The following TAFAZZIN variants were observed in gnomAD, a reference collection of about 807,000 sequenced individuals.
TAFAZZIN encodes tafazzin, phospholipid-lysophospholipid transacylase, also known as protein G4.5.
TAFAZZIN carries 6 observed loss-of-function variants against 27.3 expected under a neutral mutation model. That is an observed-to-expected ratio of 0.22 (90% CI 0.12 to 0.43). The LOEUF (loss-of-function observed/expected upper bound fraction) is 0.43, where lower values mean the gene tolerates loss of function less well. Ranked by LOEUF, TAFAZZIN falls within the 20% of genes least tolerant of loss-of-function variation. The probability of loss-of-function intolerance (pLI) is 1.00; values close to 1 mark genes in which losing one functional copy is unlikely to be tolerated. For missense variants in TAFAZZIN, 127 were observed against 244.5 expected, an observed-to-expected ratio of 0.52 and a Z score of 3.21; for synonymous variants, 79 against 96.2, an observed-to-expected ratio of 0.82 and a Z score of 1.04.
At position 154,420,103 on chromosome X, in the gene TAFAZZIN, G is replaced by A; in HGVS notation, c.646+9G>A. On this transcript the variant is annotated intron_variant, in intron 8 of 10. Transcript: ENST00000601016. ...GCCCCTGTGGCATGTCGGTGAGCCT[G>A]GGGACGGGGACAGAGAGATGGCATC... 8.3e-7 allele frequency: 1 copy of A among 1,211,917 alleles called. No homozygotes were observed. The highest frequency in any genetic ancestry group is 1.7e-5 in the African/African-American group (1 of 57,890).
In TAFAZZIN at chrX:154,421,637, C is replaced by A; in HGVS notation, c.*633C>A. On this transcript the variant is annotated 3_prime_UTR_variant, in exon 11 of 11. Transcript: ENST00000601016. ...GGCGCCAACAACTTCTCCATCCTTTCTGCCTCTCAACATCACTTGAATCCT... is the reference window on the plus strand; with the variant it reads ...GGCGCCAACAACTTCTCCATCCTTTATGCCTCTCAACATCACTTGAATCCT... The A allele has an allele frequency of 3.0e-6, 1 of 330,336 alleles. No individual in the cohort carries two copies. The highest frequency in any genetic ancestry group is 5.9e-6 in the Non-Finnish European group (1 of 170,145). 27.2% of individuals were successfully genotyped at this position (330,336 alleles called of 1,213,427 possible).
intron 9 of TAFAZZIN, 103 bp from the exon 10 acceptor site, chrX:154,420,555 T>A (rs1481435338): frequency 2.1e-6 from 2 of 950,577 alleles, no homozygotes; most frequent in Non-Finnish European, 3.0e-6. Flanking sequence ...GGGGAGTGTG[T>A]GGCACAGCAG....
chrX:154,420,822 TCACCCTCCCAGGG>T lies in TAFAZZIN; in HGVS notation c.778-63_778-51del, dbSNP rs782249471. 821 of 1,182,478 alleles carry T rather than the reference TCACCCTCCCAGGG, an allele frequency of 6.9e-4. 3 individuals carry two copies. The African/African-American group carries it at 8.4e-3, about 12-fold the overall frequency. On this transcript the variant is annotated intron_variant, in intron 10 of 10. Transcript: ENST00000601016. ...GGGTGCCTCCACCCTCTCCATCCCG[TCACCCTCCCAGGG>T]CACCCTCCCAGGGCACCTTGGCCAA...
Position 154,413,545 on chromosome X carries a change from C to G in TAFAZZIN, c.348C>G (p.Gly116=). 8.2e-7 allele frequency: 1 copy of G among 1,212,183 alleles called. No homozygotes were observed. Among genetic ancestry groups the G allele is most frequent in the Non-Finnish European group, 1.1e-6 (1 of 895,529 alleles). Residue 116 remains glycine (G), a synonymous_variant, in exon 4 of 11, where the codon GGC becomes GGG. Coordinates refer to ENST00000601016, the MANE Select transcript of TAFAZZIN (RefSeq NM_000116.5). ...KELHSHFFSL[G]KCVPVCRGAE... is the part of the protein sequence containing the mutation. ...TACACTCCCACTTCTTCAGCTTGGG[C>G]AAGTGTGTGCCTGTGTGCCGAGGTG...
chrX:154,418,423 G>A (rs1231874905), intron 5 of TAFAZZIN: 1 of 112,537 alleles, frequency 8.9e-6, no homozygotes, highest in African/African-American at 3.2e-5. Flanking sequence ...TTTATAAGAT[G>A]AGGATATCTG....
At chrX:154,412,765 G>A (rs2068353595) in intron 2 of TAFAZZIN, 3 of 212,949 alleles carry the variant, frequency 1.4e-5, no homozygotes, top group South Asian at 1.5e-4. Flanking sequence ...TGAACAGAGA[G>A]CTTAACTGTC....
chrX:154,413,351 C>A (rs1557191668), intron 3 of TAFAZZIN, 99 bp downstream of exon 3: 1 of 1,207,325 alleles, frequency 8.3e-7, no homozygotes. Context: ...TGGCGTCCAG[C>A]AGTCCAGGCA....
At position 154,413,274 on chromosome X, in the gene TAFAZZIN, G is replaced by A. The variant is rs782727666; in HGVS notation, c.284+22G>A. ...GTTGGTGAGGAGGAATGGGCCCCTCGAAGTGGGCCGGGCCGGCCCCACCTG... is the reference window on the plus strand; with the variant it reads ...GTTGGTGAGGAGGAATGGGCCCCTCAAAGTGGGCCGGGCCGGCCCCACCTG... On this transcript the variant is annotated intron_variant, in intron 3 of 10. Coordinates refer to ENST00000601016, the MANE Select transcript of TAFAZZIN (RefSeq NM_000116.5). 17 of 1,210,253 alleles carry A rather than the reference G, an allele frequency of 1.4e-5. No individual in the cohort carries two copies. The East Asian group carries it at 2.1e-4, about 15-fold the overall frequency.
chrX:154,415,967 A>G (rs963517946), intron 5 of TAFAZZIN, among the ~76,000 whole-genome samples: 6 of 103,468 alleles, frequency 5.8e-5, no homozygotes, highest in Non-Finnish European at 9.8e-5. Context: ...TGTGGTTAAG[A>G]GGTAGCATCT....
chrX:154,412,872 C>T, intron 2 of TAFAZZIN: 1 of 347,762 alleles, frequency 2.9e-6, no homozygotes, highest in Admixed American at 4.5e-5. Flanking sequence ...ACAGGTGGAT[C>T]CTGGGAGGCC....
chrX:154,415,095 C>T (rs1303817943), intron 5 of TAFAZZIN, among the ~76,000 whole-genome samples: 1 of 108,707 alleles, frequency 9.2e-6, no homozygotes, highest in Non-Finnish European at 1.9e-5. Flanking sequence ...CTTGAGCCCT[C>T]GATTTTCTTT....
At chrX:154,416,193 A>G (rs1209956858) in intron 5 of TAFAZZIN, among the ~76,000 whole-genome samples, 2 of 111,662 alleles carry the variant, frequency 1.8e-5, no homozygotes, top group Non-Finnish European at 3.8e-5. Context: ...AGGTCAGGAG[A>G]TCGAGACCAT....
intron 5 of TAFAZZIN, among the ~76,000 whole-genome samples, chrX:154,414,849 C>T (rs1257887124): frequency 4.6e-5 from 5 of 109,600 alleles, no homozygotes; most frequent in East Asian, 2.9e-4. Flanking sequence ...ATTAGCCGGG[C>T]GTGGTGGTGT....
chrX:154,415,556 A>G (rs2068462470), intron 5 of TAFAZZIN, among the ~76,000 whole-genome samples: 1 of 111,730 alleles, frequency 9.0e-6, no homozygotes, highest in Non-Finnish European at 1.9e-5. Context: ...AGATACATAC[A>G]TACATAGATA....
chrX:154,416,434 CAAAA>C (rs1244460521), intron 5 of TAFAZZIN, among the ~76,000 whole-genome samples: 1 of 83,274 alleles, frequency 1.2e-5, no homozygotes, highest in Non-Finnish European at 2.4e-5. Context: ...GACTCCGTCT[CAAAA>C]AAAAAAAAAA....
chrX:154,412,338 G>C, intron 2 of TAFAZZIN, 124 bp downstream of exon 2: 1 of 967,181 alleles, frequency 1.0e-6, no homozygotes, highest in South Asian at 2.3e-5. Flanking sequence ...GTTTCCGGGC[G>C]TTCTGCCCCA....
intron 1 of TAFAZZIN, 33 bp from the exon 2 acceptor site, chrX:154,412,053 G>C (rs1557191000): frequency 2.5e-6 from 3 of 1,207,186 alleles, no homozygotes; most frequent in African/African-American, 3.5e-5. Context: ...TAGCGGGCGA[G>C]CCCGGAGCGC....
chrX:154,412,242 G>A (rs1383509088), intron 2 of TAFAZZIN, 28 bp downstream of exon 2: 3 of 1,184,620 alleles, frequency 2.5e-6, no homozygotes, highest in Non-Finnish European at 3.4e-6. Context: ...CTGGGCAGGG[G>A]GAGGAAAGGC....
At chrX:154,418,410 C>T (rs1055110178) in intron 5 of TAFAZZIN, 1 of 112,567 alleles carries the variant, frequency 8.9e-6, no homozygotes, top group Non-Finnish European at 1.9e-5. Context: ...CTTTACTCCC[C>T]ACTTTATAAG....
Sources: allele counts gnomAD v4.1 joint callset (sites outside exome capture counted in the v4.1 genomes callset), GRCh38; gene constraint gnomAD v4.1.1; transcripts MANE v1.5; gene names NCBI Gene and HGNC (gene_info 2026-07-23, HGNC 2026-07-21).